The following ATG4C variants were observed in gnomAD, a reference collection of about 807,000 sequenced individuals.
ATG4C encodes autophagy related 4C cysteine peptidase.
A neutral mutation model predicts 57.6 loss-of-function variants in ATG4C; 56 were observed. The observed-to-expected ratio is 0.97, with a 90% CI of 0.78 to 1.21. ATG4C has a LOEUF of 1.21. Ranked by LOEUF, ATG4C falls within the 50% of genes most tolerant of loss-of-function variation. ATG4C has a pLI of 0.00. For missense variants in ATG4C, 595 were observed against 529.8 expected (o/e 1.12, Z -1.21); for synonymous variants, 157 against 174.1 (o/e 0.90, Z 0.78).
intron 10 of ATG4C, among the ~76,000 whole-genome samples, chr1:62,863,129 T>G (rs1324977286): frequency 2.0e-5 from 3 of 152,044 alleles, no homozygotes; most frequent in African/African-American, 7.2e-5. Context: ...TAAAATTGTT[T>G]ATATTATACT....
intron 10 of ATG4C, among the ~76,000 whole-genome samples, chr1:62,842,574 T>C (rs1666205897): frequency 6.6e-6 from 1 of 152,170 alleles, no homozygotes. Flanking sequence ...AGTAACTTAT[T>C]ACTGCTTTAT....
At chr1:62,796,094 C>G (rs1664453355) in intron 1 of ATG4C, among the ~76,000 whole-genome samples, 1 of 150,908 alleles carries the variant, frequency 6.6e-6, no homozygotes, top group Admixed American at 6.6e-5. Flanking sequence ...TACAAAATTC[C>G]TAATTTTATA....
chr1:62,804,912 A>G (rs545796083), intron 2 of ATG4C, among the ~76,000 whole-genome samples: 1 of 152,260 alleles, frequency 6.6e-6, no homozygotes, highest in Non-Finnish European at 1.5e-5. Flanking sequence ...TTAAAATTAA[A>G]ATTTTTTCTT....
At chr1:62,844,603 A>T (rs1487927028) in intron 10 of ATG4C, among the ~76,000 whole-genome samples, 1 of 152,086 alleles carries the variant, frequency 6.6e-6, no homozygotes, top group South Asian at 2.1e-4. Flanking sequence ...TCAGGCATAC[A>T]GAAATATAGA....
intron 1 of ATG4C, among the ~76,000 whole-genome samples, chr1:62,789,937 C>T (rs572521657): frequency 6.7e-6 from 1 of 149,618 alleles, no homozygotes; most frequent in South Asian, 2.1e-4. Flanking sequence ...TTTTTTGAGA[C>T]AGTGTCTTGC....
chr1:62,822,836 G>C (rs1036781370), intron 6 of ATG4C, among the ~76,000 whole-genome samples: 1 of 152,036 alleles, frequency 6.6e-6, no homozygotes, highest in Non-Finnish European at 1.5e-5. Context: ...TTAGGACTAT[G>C]TACTCTATAC....
Position 62,864,014 on chromosome 1 carries a change from A to G in ATG4C, c.1232A>G (p.Glu411Gly). Reference protein sequence around the residue: ...ITKMLKFSSKEKYPLFTFVNG... With the variant: ...ITKMLKFSSKGKYPLFTFVNG... ...CAGATGCTGAAATTTTCTTCTAAGGAGAAATATCCCTTATTTACTTTTGTA... is the reference window on the plus strand; with the variant it reads ...CAGATGCTGAAATTTTCTTCTAAGGGGAAATATCCCTTATTTACTTTTGTA... Residue 411 changes from glutamate (E) to glycine (G), a missense_variant, in exon 11 of 11, where the codon GAG (glutamate) becomes GGG (glycine). By Grantham distance (98) the Glu-to-Gly change is moderately conservative. Transcript: ENST00000317868. 1.3e-6 allele frequency: 2 copies of G among 1,576,716 alleles called. No homozygotes were observed. Among genetic ancestry groups the G allele is most frequent in the Non-Finnish European group, 1.7e-6 (2 of 1,166,510 alleles).
At chr1:62,802,949 A>G (rs1432051964) in intron 1 of ATG4C, among the ~76,000 whole-genome samples, 1 of 152,222 alleles carries the variant, frequency 6.6e-6, no homozygotes, top group Non-Finnish European at 1.5e-5. Flanking sequence ...TCTAATCTTA[A>G]AAGGGTAATG....
intron 10 of ATG4C, among the ~76,000 whole-genome samples, chr1:62,856,850 T>G (rs1211887261): frequency 1.3e-5 from 2 of 152,122 alleles, no homozygotes; most frequent in Non-Finnish European, 2.9e-5. Context: ...GGGAAATCTA[T>G]GGTAGGATGT....
chr1:62,822,227 A>T (rs1665504585), intron 6 of ATG4C, among the ~76,000 whole-genome samples: 1 of 152,146 alleles, frequency 6.6e-6, no homozygotes, highest in Non-Finnish European at 1.5e-5. Flanking sequence ...TACACTGATA[A>T]CCACCTAGTG....
intron 1 of ATG4C, among the ~76,000 whole-genome samples, chr1:62,788,252 C>G (rs900247575): frequency 6.6e-6 from 1 of 152,072 alleles, no homozygotes; most frequent in Non-Finnish European, 1.5e-5. Flanking sequence ...TAAAATCAAC[C>G]TAACTTCTAC....
intron 10 of ATG4C, among the ~76,000 whole-genome samples, chr1:62,850,424 A>AT (rs1202277268): frequency 6.6e-6 from 1 of 152,136 alleles, no homozygotes; most frequent in East Asian, 1.9e-4. Context: ...GATTGTGTTA[A>AT]TTTTTTAAAG....
intron 3 of ATG4C, among the ~76,000 whole-genome samples, chr1:62,806,619 G>GTAGGA (rs922140931): frequency 3.3e-5 from 5 of 152,106 alleles, no homozygotes; most frequent in Non-Finnish European, 5.9e-5. Flanking sequence ...CTTTTCTGGA[G>GTAGGA]TAGGATTGGG....
At chr1:62,786,840 G>A (rs1016845152) in intron 1 of ATG4C, among the ~76,000 whole-genome samples, 1 of 152,152 alleles carries the variant, frequency 6.6e-6, no homozygotes, top group Admixed American at 6.5e-5. Context: ...CACAGAGGAA[G>A]AACTGATTAC....
chr1:62,833,380 T>G (rs917302967), intron 7 of ATG4C, among the ~76,000 whole-genome samples: 2 of 152,286 alleles, frequency 1.3e-5, no homozygotes, highest in African/African-American at 4.8e-5. Flanking sequence ...TGGCCTAACT[T>G]AAATAGAGTT....
chr1:62,797,275 T>C (rs1664501804), intron 1 of ATG4C, among the ~76,000 whole-genome samples: 1 of 150,936 alleles, frequency 6.6e-6, no homozygotes, highest in African/African-American at 2.5e-5. Context: ...GCCCTCGATA[T>C]CTTTTTATAG....
intron 9 of ATG4C, among the ~76,000 whole-genome samples, chr1:62,836,855 G>A (rs1248977494): frequency 6.6e-6 from 1 of 152,038 alleles, no homozygotes; most frequent in Non-Finnish European, 1.5e-5. Flanking sequence ...GATATTTTGA[G>A]TGCCCTAAAT....
intron 7 of ATG4C, among the ~76,000 whole-genome samples, chr1:62,831,117 G>A (rs546083351): frequency 3.3e-5 from 5 of 152,134 alleles, no homozygotes; most frequent in South Asian, 2.1e-4. Context: ...GATTTACACC[G>A]TAGTCCACTA....
At chr1:62,837,803 G>A (rs546310474) in intron 9 of ATG4C, among the ~76,000 whole-genome samples, 1 of 152,108 alleles carries the variant, frequency 6.6e-6, no homozygotes. Context: ...TGTCTTTTGG[G>A]TGGAGGATAG....
Sources: allele counts gnomAD v4.1 joint callset (sites outside exome capture counted in the v4.1 genomes callset), GRCh38; gene constraint gnomAD v4.1.1; transcripts MANE v1.5; gene names NCBI Gene and HGNC (gene_info 2026-07-23, HGNC 2026-07-21).